The following CDH18 variants were observed in gnomAD, a reference collection of about 807,000 sequenced individuals.
CDH18 encodes the protein cadherin-18.
In CDH18, 31 loss-of-function variants were observed where a neutral mutation model predicts 67.9. The ratio of observed to expected loss-of-function variants is 0.46; its 90% CI spans 0.34 to 0.62. The LOEUF (loss-of-function observed/expected upper bound fraction) is 0.62, where lower values mean the gene tolerates loss of function less well. Ranked by LOEUF, CDH18 falls within the 20% of genes least tolerant of loss-of-function variation. The pLI, the probability that CDH18 is intolerant of heterozygous loss-of-function variation, is 0.01. For missense variants in CDH18, 890 were observed against 975.5 expected (o/e 0.91, Z 1.17); for synonymous variants, 362 against 347.2 (o/e 1.04, Z -0.48).
At chr5:20,263,079 A>C (rs1342302632) in intron 1 of CDH18, among the ~76,000 whole-genome samples, 1 of 150,316 alleles carries the variant, frequency 6.7e-6, no homozygotes, top group African/African-American at 2.5e-5. Context: ...AAAGAGGTCA[A>C]TTTCTCCTTG....
At chr5:20,226,376 T>C (rs1741631814) in intron 2 of CDH18, among the ~76,000 whole-genome samples, 1 of 152,110 alleles carries the variant, frequency 6.6e-6, no homozygotes. Context: ...GGGTGATTAT[T>C]ATAATTAAAA....
chr5:20,122,033 C>G (rs557994490), intron 2 of CDH18, among the ~76,000 whole-genome samples: 3 of 152,286 alleles, frequency 2.0e-5, no homozygotes, highest in Admixed American at 2.0e-4. Flanking sequence ...GATCCCTCCC[C>G]CCTCTCACAA....
At chr5:20,181,226 G>A (rs1449712873) in intron 2 of CDH18, among the ~76,000 whole-genome samples, 1 of 152,068 alleles carries the variant, frequency 6.6e-6, no homozygotes, top group African/African-American at 2.4e-5. Flanking sequence ...TATTTTTGGG[G>A]GCTTGGCTAT....
intron 1 of CDH18, among the ~76,000 whole-genome samples, chr5:20,431,338 A>G (rs888910994): frequency 5.9e-5 from 9 of 151,948 alleles, no homozygotes; most frequent in African/African-American, 1.9e-4. Context: ...TAAAATTACA[A>G]AAACATTACG....
intron 5 of CDH18, among the ~76,000 whole-genome samples, chr5:19,654,035 A>G (rs1225273593): frequency 1.3e-5 from 2 of 152,184 alleles, no homozygotes; most frequent in African/African-American, 4.8e-5. Flanking sequence ...CATAATGTGT[A>G]TAAATCTCAT....
In CDH18 at chr5:19,519,926, G is replaced by A. The variant is rs184592035; in HGVS notation, c.1512+731C>T. On this transcript the variant is annotated intron_variant, in intron 10 of 12. Transcript: ENST00000382275. ...GCAGACACCTTGATTATAGTCTTGC[G>A]AGACTCTTGCAAAGACCCAGCTAAG... Among the ~76,000 whole-genome samples the A allele has an allele frequency of 3.3e-5, 5 of 152,260 alleles. No homozygotes were observed. The East Asian group carries it at 5.8e-4, about 18-fold the overall frequency.
At chr5:20,428,534 T>G (rs899801445) in intron 1 of CDH18, among the ~76,000 whole-genome samples, 9 of 152,198 alleles carry the variant, frequency 5.9e-5, no homozygotes, top group African/African-American at 2.2e-4. Context: ...TCTTCCATAG[T>G]GGTTGAAATA....
chr5:19,513,692 A>T (rs1579927612), intron 10 of CDH18, among the ~76,000 whole-genome samples: 2 of 152,258 alleles, frequency 1.3e-5, no homozygotes, highest in South Asian at 4.1e-4. Context: ...TGCATTTAAA[A>T]TTATAAATTT....
chr5:20,148,177 C>T (rs920882410), intron 2 of CDH18, among the ~76,000 whole-genome samples: 23 of 151,638 alleles, frequency 1.5e-4, no homozygotes, highest in African/African-American at 5.1e-4. Context: ...CTGCAAGCTC[C>T]GCCTCCCAGG....
intron 1 of CDH18, among the ~76,000 whole-genome samples, chr5:20,278,506 C>T (rs1053959517): frequency 6.6e-6 from 1 of 151,848 alleles, no homozygotes; most frequent in African/African-American, 2.4e-5. Context: ...ACAAAAAATG[C>T]TAAAGGGAGT....
At chr5:20,459,887 G>C (rs1261922671) in intron 1 of CDH18, among the ~76,000 whole-genome samples, 3 of 152,004 alleles carry the variant, frequency 2.0e-5, no homozygotes, top group Non-Finnish European at 2.9e-5. Flanking sequence ...CTAATATTGT[G>C]GTTGTTCACT....
At chr5:20,448,482 G>C (rs1245343316) in intron 1 of CDH18, among the ~76,000 whole-genome samples, 1 of 151,656 alleles carries the variant, frequency 6.6e-6, no homozygotes, top group African/African-American at 2.4e-5. Context: ...ATTAGCTATA[G>C]CCAATGAAAT....
chr5:20,446,818 G>A (rs987370221), intron 1 of CDH18, among the ~76,000 whole-genome samples: 1 of 152,044 alleles, frequency 6.6e-6, no homozygotes, highest in African/African-American at 2.4e-5. Context: ...CTATGAAAAA[G>A]GTCATCAATA....
Position 20,256,966 on chromosome 5 carries a change from C to CTATCTA in CDH18, c.-579-1467_-579-1462dup, listed in dbSNP as rs149817912. Reference sequence around the variant, plus strand: ...CTATCTATCTATCTATCTATCTAATCTATCTATATCTATATCTATATCTAT... The same window carrying CTATCTA: ...CTATCTATCTATCTATCTATCTAATCTATCTATATCTATATCTATATCTATATCTAT... On this transcript the variant is annotated intron_variant, in intron 1 of 14. Transcript: ENST00000507958. Among the ~76,000 whole-genome samples the CTATCTA allele has an allele frequency of 2.2e-3, 238 of 106,542 alleles. 1 individual carries two copies. Among genetic ancestry groups the CTATCTA allele is most frequent in the African/African-American group, 5.6e-3 (203 of 35,986 alleles). 69.9% of individuals were successfully genotyped at this position (106,542 alleles called of 152,430 possible).
intron 1 of CDH18, among the ~76,000 whole-genome samples, chr5:20,548,688 C>T (rs544635317): frequency 1.1e-4 from 17 of 152,244 alleles, no homozygotes; most frequent in Non-Finnish European, 1.3e-4. Flanking sequence ...CTGAAGAATG[C>T]TGAAGTGGGT....
chr5:19,647,260 C>T (rs1263858199), intron 5 of CDH18, among the ~76,000 whole-genome samples: 13 of 151,862 alleles, frequency 8.6e-5, no homozygotes, highest in African/African-American at 3.1e-4. Flanking sequence ...CAGTGACTCA[C>T]GCCTACAATC....
chr5:20,193,688 G>A (rs930796393), intron 2 of CDH18, among the ~76,000 whole-genome samples: 1 of 152,058 alleles, frequency 6.6e-6, no homozygotes, highest in African/African-American at 2.4e-5. Flanking sequence ...GAACACTGAT[G>A]CCAAAATCCC....
chr5:19,546,588 A>G (rs1173398387), intron 8 of CDH18, among the ~76,000 whole-genome samples: 1 of 152,192 alleles, frequency 6.6e-6, no homozygotes. Flanking sequence ...TGTAAATATT[A>G]CAAAATTCAT....
intron 1 of CDH18, among the ~76,000 whole-genome samples, chr5:20,511,117 GA>G (rs751807563): frequency 6.0e-5 from 9 of 148,938 alleles, no homozygotes; most frequent in Admixed American, 4.7e-4. Context: ...CAACACCCAG[GA>G]AAAAAAAAGA....
Sources: gnomAD v4.1 joint callset for allele counts (sites outside exome capture counted in the v4.1 genomes callset) on GRCh38, gnomAD v4.1.1 for gene constraint, MANE v1.5 for transcripts, NCBI Gene and HGNC (gene_info 2026-07-23, HGNC 2026-07-21) for gene names.